The following WWC2 variants were observed in gnomAD, a reference collection of about 807,000 sequenced individuals.
The protein encoded by WWC2 is WW and C2 domain containing 2.
In WWC2, 101 loss-of-function variants were observed where a neutral mutation model predicts 138.5. The observed-to-expected ratio is 0.73, with a 90% CI of 0.62 to 0.86. The LOEUF is 0.86. Among genes scored for constraint, WWC2 ranks in the 40% least tolerant of loss-of-function variants. The probability of loss-of-function intolerance (pLI) is 0.00; values close to 1 mark genes in which losing one functional copy is unlikely to be tolerated. For missense variants in WWC2, 1,420 were observed against 1,419.4 expected, an observed-to-expected ratio of 1.00 and a Z score of -0.01; for synonymous variants, 558 against 538.4, an observed-to-expected ratio of 1.04 and a Z score of -0.50.
chr4:183,130,655 A>C (rs1732898221), intron 1 of WWC2, among the ~76,000 whole-genome samples: 1 of 152,170 alleles, frequency 6.6e-6, no homozygotes, highest in South Asian at 2.1e-4. Flanking sequence ...CCTAGCCAGG[A>C]GGTATCTTAG....
intron 9 of WWC2, among the ~76,000 whole-genome samples, chr4:183,254,246 C>G (rs1201113865): frequency 6.6e-6 from 1 of 152,118 alleles, no homozygotes; most frequent in Non-Finnish European, 1.5e-5. Context: ...GACATAAAAC[C>G]AGGAATGTAC....
intron 14 of WWC2, among the ~76,000 whole-genome samples, chr4:183,266,807 A>G (rs1737519104): frequency 6.6e-6 from 1 of 152,218 alleles, no homozygotes; most frequent in South Asian, 2.1e-4. Flanking sequence ...CCAAGACTCT[A>G]TACCCAGCCA....
chr4:183,259,594 C>A (rs1347382219), intron 9 of WWC2, 45 bp from the exon 10 acceptor site: 1 of 1,351,206 alleles, frequency 7.4e-7, no homozygotes, highest in Non-Finnish European at 1.0e-6. Flanking sequence ...TTTTAGTTTT[C>A]ATATTTTGTT....
At chr4:183,117,459 G>T (rs549338521) in intron 1 of WWC2, among the ~76,000 whole-genome samples, 44 of 152,008 alleles carry the variant, frequency 2.9e-4, no homozygotes, top group African/African-American at 9.4e-4. Context: ...GACCTCAGGT[G>T]ATCTGCCCGC....
chr4:183,126,903 T>A (rs1732778258), intron 1 of WWC2, among the ~76,000 whole-genome samples: 1 of 150,672 alleles, frequency 6.6e-6, no homozygotes, highest in African/African-American at 2.4e-5. Context: ...TAATTTTTTT[T>A]TTTTTTTTTT....
At chr4:183,194,759 G>A (rs1350243477) in intron 2 of WWC2, among the ~76,000 whole-genome samples, 4 of 152,192 alleles carry the variant, frequency 2.6e-5, no homozygotes, top group Admixed American at 2.0e-4. Flanking sequence ...AGAAAGGAGC[G>A]TAAGCACTCT....
intron 19 of WWC2, among the ~76,000 whole-genome samples, chr4:183,285,542 C>T (rs1738218107): frequency 6.6e-6 from 1 of 152,138 alleles, no homozygotes; most frequent in Non-Finnish European, 1.5e-5. Context: ...GAGCGAAACA[C>T]CTGAGGTCAG....
intron 16 of WWC2, among the ~76,000 whole-genome samples, chr4:183,272,703 A>G (rs1419016280): frequency 1.3e-5 from 2 of 152,232 alleles, no homozygotes; most frequent in African/African-American, 2.4e-5. Context: ...TGTAAGTGCA[A>G]TAATACAATA....
At chr4:183,170,133 A>G (rs1368638048) in intron 1 of WWC2, among the ~76,000 whole-genome samples, 1 of 152,218 alleles carries the variant, frequency 6.6e-6, no homozygotes, top group African/African-American at 2.4e-5. Context: ...CCAGATGCTT[A>G]TTAACTTAAA....
chr4:183,285,667 G>A (rs1465602563), intron 19 of WWC2, among the ~76,000 whole-genome samples: 1 of 152,136 alleles, frequency 6.6e-6, no homozygotes, highest in Non-Finnish European at 1.5e-5. Context: ...GGCTGAGGCA[G>A]GAGAATTGTG....
chr4:183,121,528 C>A (rs1055538838), intron 1 of WWC2, among the ~76,000 whole-genome samples: 1 of 152,092 alleles, frequency 6.6e-6, no homozygotes, highest in East Asian at 1.9e-4. Flanking sequence ...GATACTCAAT[C>A]TAATAGAGGT....
chr4:183,269,504 G>A (rs1390401814), intron 15 of WWC2: 3 of 497,584 alleles, frequency 6.0e-6, no homozygotes, highest in African/African-American at 5.9e-5. Flanking sequence ...TGACTGCTGT[G>A]TATATATTAT....
At chr4:183,210,693 T>C (rs989008204) in intron 4 of WWC2, among the ~76,000 whole-genome samples, 1 of 152,214 alleles carries the variant, frequency 6.6e-6, no homozygotes, top group African/African-American at 2.4e-5. Flanking sequence ...GCCCGTATCA[T>C]AGGGCTACTA....
At chr4:183,119,721 GAT>G (rs796180731) in intron 1 of WWC2, among the ~76,000 whole-genome samples, 3 of 152,282 alleles carry the variant, frequency 2.0e-5, no homozygotes, top group African/African-American at 7.2e-5. Context: ...AACTCCAAAA[GAT>G]ATTCTGAGTT....
Position 183,271,148 on chromosome 4 carries a change from G to A in WWC2, c.2469G>A (p.Leu823=). The A allele has an allele frequency of 3.7e-6, 6 of 1,612,584 alleles. No individual in the cohort carries two copies. Among genetic ancestry groups the A allele is most frequent in the Non-Finnish European group, 5.1e-6 (6 of 1,179,352 alleles). ...AGGTTTTCACTCTATGGTATAACTT[G>A]CTTCCTTCCAAGCAAATGCCTTGCA... ...SSEVFTLWYN[L]LPSKQMPCKK... Residue 823 remains leucine, a synonymous_variant, in exon 16 of 23, where the codon TTG becomes TTA. Transcript: ENST00000403733.
At chr4:183,101,191 G>A (rs1347707769) in intron 1 of WWC2, among the ~76,000 whole-genome samples, 1 of 152,108 alleles carries the variant, frequency 6.6e-6, no homozygotes, top group Non-Finnish European at 1.5e-5. Flanking sequence ...GGCATTCTAG[G>A]TTCTCTTCTT....
In WWC2 at chr4:183,306,881, C is replaced by CAAAAAAAA. The variant is rs55750701; in HGVS notation, c.3385-5451_3385-5444dup. Among the ~76,000 whole-genome samples the CAAAAAAAA allele has an allele frequency of 1.3e-3, 110 of 85,108 alleles. 14 individuals carry two copies. The highest frequency in any genetic ancestry group is 8.2e-3 in the Middle Eastern group (1 of 122). 55.8% of individuals were successfully genotyped at this position (85,108 alleles called of 152,430 possible). ...CTAACAGCACCAACTATATATGAGG[C>CAAAAAAAA]AAAAAAAAAAAAAAAACTACAAGGA... is the stretch of plus-strand genomic sequence containing the variant. On this transcript the variant is annotated intron_variant, in intron 21 of 22. Transcript: ENST00000403733.
At chr4:183,214,222 T>C (rs562570118) in intron 4 of WWC2, among the ~76,000 whole-genome samples, 14 of 152,168 alleles carry the variant, frequency 9.2e-5, no homozygotes, top group East Asian at 1.9e-4. Context: ...GGCACTGTTA[T>C]TAATAACAGT....
chr4:183,284,540 C>T, intron 19 of WWC2, 150 bp downstream of exon 19: 1 of 914,022 alleles, frequency 1.1e-6, no homozygotes, highest in Non-Finnish European at 1.6e-6. Flanking sequence ...TGTAGAATAT[C>T]ACGTGCTTAT....
Sources: allele counts gnomAD v4.1 joint callset (sites outside exome capture counted in the v4.1 genomes callset), GRCh38; gene constraint gnomAD v4.1.1; transcripts MANE v1.5; gene names NCBI Gene and HGNC (gene_info 2026-07-23, HGNC 2026-07-21).